The following SEMA5A variants were observed in gnomAD, a reference collection of about 807,000 sequenced individuals.
SEMA5A encodes the protein semaphorin-5A.
A neutral mutation model predicts 135.5 loss-of-function variants in SEMA5A; 55 were observed. The ratio of observed to expected loss-of-function variants is 0.41; its 90% CI spans 0.33 to 0.51. SEMA5A has a LOEUF of 0.51. Ranked by LOEUF, SEMA5A falls within the 20% of genes least tolerant of loss-of-function variation. The pLI is 0.37. For synonymous variants in SEMA5A, 580 were observed against 546.5 expected (o/e 1.06, Z -0.85); for missense variants, 1,290 against 1,419.9 (o/e 0.91, Z 1.47).
At chr5:9,182,378 A>G (rs1744570745) in intron 11 of SEMA5A, among the ~76,000 whole-genome samples, 1 of 152,074 alleles carries the variant, frequency 6.6e-6, no homozygotes, top group Admixed American at 6.5e-5. Context: ...GCTTCTCTTC[A>G]AGAAATTAAC....
chr5:9,150,298 G>A lies in SEMA5A; in HGVS notation c.1481+4190C>T, dbSNP rs1742562813. ...AAATTCCTCAGAAATTAGTGAATGTGAACTCACTTTTGCAACTTATACACA... is the reference window on the plus strand; with the variant it reads ...AAATTCCTCAGAAATTAGTGAATGTAAACTCACTTTTGCAACTTATACACA... On this transcript the variant is annotated intron_variant, in intron 12 of 22. Coordinates refer to ENST00000382496, the MANE Select transcript of SEMA5A (RefSeq NM_003966.3). Among the ~76,000 whole-genome samples the A allele has an allele frequency of 2.0e-5, 3 of 152,142 alleles. No homozygotes were observed. In the South Asian group the frequency reaches 6.2e-4, roughly 31 times the overall value.
At chr5:9,067,250 C>T (rs1561120273) in intron 16 of SEMA5A, among the ~76,000 whole-genome samples, 1 of 152,186 alleles carries the variant, frequency 6.6e-6, no homozygotes, top group Non-Finnish European at 1.5e-5. Flanking sequence ...AGGTACCTCC[C>T]TTGTAACCAC....
intron 11 of SEMA5A, among the ~76,000 whole-genome samples, chr5:9,158,520 A>G (rs968744291): frequency 1.4e-5 from 2 of 144,492 alleles, no homozygotes; most frequent in African/African-American, 2.5e-5. Flanking sequence ...AAAAAAAAAA[A>G]TAGGCATTTC....
chr5:9,496,967 A>G (rs1366517454), intron 1 of SEMA5A, among the ~76,000 whole-genome samples: 2 of 152,252 alleles, frequency 1.3e-5, no homozygotes, highest in Non-Finnish European at 2.9e-5. Context: ...TAATATGCAT[A>G]GAGAGAACAG....
intron 1 of SEMA5A, among the ~76,000 whole-genome samples, chr5:9,487,249 G>A (rs912684371): frequency 3.9e-5 from 6 of 152,146 alleles, no homozygotes; most frequent in Admixed American, 6.5e-5. Context: ...ATGGTCTTAC[G>A]TGGCAGCAGG....
At position 9,212,053 on chromosome 5, in the gene SEMA5A, C is replaced by T. The variant is rs931401090; in HGVS notation, c.647-9813G>A. Among the ~76,000 whole-genome samples, 13 of 152,272 alleles carry T rather than the reference C, an allele frequency of 8.5e-5. 1 individual carries two copies. The highest frequency in any genetic ancestry group is 2.1e-4 in the South Asian group (1 of 4,820). On this transcript the variant is annotated intron_variant, in intron 8 of 22. Transcript: ENST00000382496. Reference sequence around the variant, plus strand: ...TGGTCTCTGAGTGTTAATAAGGCTACGTGGATTAGATGTTCATGCTGAGTT... The same window carrying T: ...TGGTCTCTGAGTGTTAATAAGGCTATGTGGATTAGATGTTCATGCTGAGTT...
At chr5:9,337,369 C>T (rs79010364) in intron 4 of SEMA5A, among the ~76,000 whole-genome samples, 3,172 of 152,172 alleles carry the variant, frequency 0.021, 98 homozygotes, top group African/African-American at 0.072. Context: ...GCATATGCCC[C>T]GGACAACTTA....
At chr5:9,380,215 C>T (rs559520231) in intron 2 of SEMA5A, 192 bp from the exon 3 acceptor site, 9 of 402,720 alleles carry the variant, frequency 2.2e-5, no homozygotes, top group East Asian at 2.1e-4. Context: ...TGCGTGAGTG[C>T]GTGTATCTCA....
chr5:9,356,849 C>T (rs1009010510), intron 3 of SEMA5A, among the ~76,000 whole-genome samples: 34 of 152,202 alleles, frequency 2.2e-4, no homozygotes, highest in Admixed American at 1.7e-3. Context: ...GAGCTCCTTT[C>T]TTCCAGGATT....
chr5:9,191,424 C>CCTTCTCATG (rs1443419526), intron 10 of SEMA5A, among the ~76,000 whole-genome samples: 1 of 152,164 alleles, frequency 6.6e-6, no homozygotes, highest in Non-Finnish European at 1.5e-5. Context: ...TACTACCAAT[C>CCTTCTCATG]CTTCTCATGT....
At chr5:9,394,584 C>A (rs555256168) in intron 2 of SEMA5A, among the ~76,000 whole-genome samples, 2 of 152,110 alleles carry the variant, frequency 1.3e-5, no homozygotes, top group Non-Finnish European at 2.9e-5. Flanking sequence ...CGAGCAATAA[C>A]AAGTCATGGA....
intron 3 of SEMA5A, among the ~76,000 whole-genome samples, chr5:9,346,959 T>C (rs992570811): frequency 2.6e-5 from 4 of 151,944 alleles, no homozygotes; most frequent in Non-Finnish European, 4.4e-5. Context: ...CAAATAGATA[T>C]TATAGACACT....
chr5:9,495,477 G>T (rs1735255693), intron 1 of SEMA5A, among the ~76,000 whole-genome samples: 1 of 152,178 alleles, frequency 6.6e-6, no homozygotes, highest in African/African-American at 2.4e-5. Context: ...TTTAGAAATA[G>T]AATCTGTGCT....
chr5:9,408,833 TA>T (rs150694501), intron 2 of SEMA5A, among the ~76,000 whole-genome samples: 3,487 of 151,786 alleles, frequency 0.023, 111 homozygotes, highest in African/African-American at 0.071. Context: ...AATTTTTAGT[TA>T]TTTTTTTTTT....
chr5:9,375,759 G>A (rs1210864122), intron 3 of SEMA5A, among the ~76,000 whole-genome samples: 1 of 151,566 alleles, frequency 6.6e-6, no homozygotes, highest in East Asian at 1.9e-4. Context: ...TCTTCCTTCT[G>A]GCATACACCT....
chr5:9,184,342 G>T (rs1336511459), intron 11 of SEMA5A, among the ~76,000 whole-genome samples: 2 of 150,840 alleles, frequency 1.3e-5, no homozygotes, highest in African/African-American at 4.9e-5. Flanking sequence ...CCTTTATTCT[G>T]AATTAATATT....
chr5:9,310,689 C>G (rs1019504041), intron 5 of SEMA5A, among the ~76,000 whole-genome samples: 2 of 151,040 alleles, frequency 1.3e-5, no homozygotes, highest in African/African-American at 4.9e-5. Flanking sequence ...TATAAATTGC[C>G]TCAATTTATT....
intron 11 of SEMA5A, among the ~76,000 whole-genome samples, chr5:9,182,968 C>T (rs573568778): frequency 1.3e-5 from 2 of 152,260 alleles, no homozygotes; most frequent in African/African-American, 2.4e-5. Context: ...CTAGAAGGCA[C>T]ATATTAGCTA....
chr5:9,172,918 C>A (rs1225972910), intron 11 of SEMA5A, among the ~76,000 whole-genome samples: 1 of 152,104 alleles, frequency 6.6e-6, no homozygotes, highest in Non-Finnish European at 1.5e-5. Flanking sequence ...CAAGAAATGC[C>A]CTTCTAAACA....
Sources: allele counts gnomAD v4.1 joint callset (sites outside exome capture counted in the v4.1 genomes callset), GRCh38; gene constraint gnomAD v4.1.1; transcripts MANE v1.5; gene names NCBI Gene and HGNC (gene_info 2026-07-23, HGNC 2026-07-21).